NLRC4: variants seen among roughly 807,000 people sequenced by gnomAD.
The protein encoded by NLRC4 is NLR family CARD domain containing 4.
NLRC4 carries 63 observed loss-of-function variants against 79.9 expected under a neutral mutation model. The ratio of observed to expected loss-of-function variants is 0.79; its 90% CI spans 0.64 to 0.97. The LOEUF (loss-of-function observed/expected upper bound fraction) is 0.97. NLRC4 is among the 50% of genes least tolerant of loss of function. NLRC4 has a pLI of 0.00. For synonymous variants in NLRC4, 461 were observed against 456.5 expected, an observed-to-expected ratio of 1.01 and a Z score of -0.12; for missense variants, 1,074 against 1,215.2, an observed-to-expected ratio of 0.88 and a Z score of 1.73.
At chr2:32,258,169 C>G (rs1013537604) in intron 1 of NLRC4, among the ~76,000 whole-genome samples, 6 of 152,166 alleles carry the variant, frequency 3.9e-5, no homozygotes, top group African/African-American at 9.7e-5. Flanking sequence ...CTCCAACCCT[C>G]CAGGCCAAAC....
intron 1 of NLRC4, among the ~76,000 whole-genome samples, chr2:32,260,085 C>T (rs1399685988): frequency 3.3e-5 from 5 of 151,824 alleles, no homozygotes; most frequent in Admixed American, 1.3e-4. Flanking sequence ...AAAAATTACC[C>T]GGGCATGGTG....
chr2:32,255,246 C>T (rs746171406), intron 2 of NLRC4, among the ~76,000 whole-genome samples: 1 of 152,090 alleles, frequency 6.6e-6, no homozygotes, highest in East Asian at 1.9e-4. Flanking sequence ...CTCACCCGGG[C>T]GCAGTGGCTC....
intron 8 of NLRC4, among the ~76,000 whole-genome samples, chr2:32,227,441 C>T (rs1686430882): frequency 6.6e-6 from 1 of 152,148 alleles, no homozygotes; most frequent in Non-Finnish European, 1.5e-5. Flanking sequence ...TGTTCATGTC[C>T]TTTCTGCCTT....
intron 2 of NLRC4, among the ~76,000 whole-genome samples, chr2:32,253,044 A>G (rs1002104977): frequency 2.4e-4 from 37 of 152,116 alleles, no homozygotes; most frequent in Non-Finnish European, 4.4e-5. Flanking sequence ...TATGCATATC[A>G]GCATCTGTCT....
At chr2:32,243,902 C>G (rs1241583469) in intron 4 of NLRC4, among the ~76,000 whole-genome samples, 2 of 151,792 alleles carry the variant, frequency 1.3e-5, no homozygotes, top group African/African-American at 4.8e-5. Context: ...ATTATATTGG[C>G]AGTCTAAAAG....
intron 8 of NLRC4, among the ~76,000 whole-genome samples, chr2:32,234,696 C>G (rs985702826): frequency 5.3e-5 from 8 of 152,202 alleles, no homozygotes; most frequent in African/African-American, 1.7e-4. Flanking sequence ...AGTGAGGCCT[C>G]CAGCCAACAG....
At chr2:32,255,677 A>G in intron 2 of NLRC4, among the ~76,000 whole-genome samples, 1 of 152,130 alleles carries the variant, frequency 6.6e-6, no homozygotes. Context: ...AAGACTCATT[A>G]TATTGAATAA....
chr2:32,256,695 G>T (rs1687214047), intron 2 of NLRC4, 80 bp downstream of exon 2: 1 of 762,936 alleles, frequency 1.3e-6, no homozygotes, highest in East Asian at 2.4e-5. Flanking sequence ...AGGAAGCCAT[G>T]AACTGATTTT....
At chr2:32,239,522 T>C (rs960221733) in intron 5 of NLRC4, among the ~76,000 whole-genome samples, 2 of 152,202 alleles carry the variant, frequency 1.3e-5, no homozygotes, top group East Asian at 1.9e-4. Context: ...GGGCAAGTTA[T>C]TCAATCTTTT....
rs374300977 is a variant in NLRC4, at chr2:32,250,219, T to C, written c.1645A>G (p.Ile549Val). ...NTTEQEILKAININSFVECGI... is the reference protein window; with the variant it reads ...NTTEQEILKAVNINSFVECGI... Reference sequence around the variant, plus strand: ...CACTCTACAAAGGAATTGATGTTTATGGCTTTCAGAATTTCTTGCTCAGTG... The same window carrying C: ...CACTCTACAAAGGAATTGATGTTTACGGCTTTCAGAATTTCTTGCTCAGTG... The change falls in exon 4 of 9, where the codon ATA becomes GTA. Residue 549 changes from isoleucine to valine, a missense_variant. Transcript: ENST00000402280. This position sits in a 1 kb window ranked among gnomAD's most constrained non-coding sequence, Gnocchi z 4.9. 1.2e-6 allele frequency: 2 copies of C among 1,614,134 alleles called. No individual in the cohort carries two copies. Among genetic ancestry groups the C allele is most frequent in the African/African-American group, 2.7e-5 (2 of 74,958 alleles).
chr2:32,255,456 G>A (rs539884552), intron 2 of NLRC4, among the ~76,000 whole-genome samples: 32 of 150,652 alleles, frequency 2.1e-4, no homozygotes, highest in African/African-American at 7.8e-4. Flanking sequence ...GGAAGCAGAG[G>A]TTGCGGTGAG....
intron 1 of NLRC4, among the ~76,000 whole-genome samples, chr2:32,257,531 C>T (rs904099569): frequency 1.3e-5 from 2 of 150,876 alleles, no homozygotes; most frequent in East Asian, 2.0e-4. Context: ...CACTTGAGCC[C>T]GGGAGACGGA....
In NLRC4 at chr2:32,235,390, T is replaced by G; in HGVS notation, c.2782+11A>C. The G allele has an allele frequency of 6.2e-7, 1 of 1,609,468 alleles. No individual in the cohort carries two copies. Among genetic ancestry groups the G allele is most frequent in the Non-Finnish European group, 8.5e-7 (1 of 1,175,700 alleles). Reference sequence around the variant, plus strand: ...AATCCAGTTATCTTGGCTCTGTATGTGTGTACCTACCTAAAATTCTAATCT... The same window carrying G: ...AATCCAGTTATCTTGGCTCTGTATGGGTGTACCTACCTAAAATTCTAATCT... On this transcript the variant is annotated intron_variant, in intron 8 of 8. Coordinates refer to ENST00000402280, the MANE Select transcript of NLRC4 (RefSeq NM_001199138.2).
Position 32,224,772 on chromosome 2 carries a change from A to C in NLRC4, c.2783-7T>G. ...TTCTTTCCAAAAAATGCACCTGGGT[A>C]AAGAAATAAGTATATTAGTTGGAAG... On this transcript the variant is annotated splice_polypyrimidine_tract_variant and splice_region_variant and intron_variant, in intron 8 of 8. Transcript: ENST00000402280. The C allele has an allele frequency of 6.5e-7, 1 of 1,537,952 alleles. No homozygotes were observed. Among genetic ancestry groups the C allele is most frequent in the South Asian group, 1.2e-5 (1 of 80,328 alleles).
rs1233211061 is a variant in NLRC4, at chr2:32,251,593, G to T, written c.271C>A (p.His91Asn). The T allele has an allele frequency of 2.5e-6, 4 of 1,588,716 alleles. No homozygotes were observed. The highest frequency in any genetic ancestry group is 3.4e-6 in the Non-Finnish European group (4 of 1,168,514). Residue 91 changes from histidine to asparagine, a missense_variant, in exon 4 of 9, where the codon CAT becomes AAT. Coordinates refer to ENST00000402280, the MANE Select transcript of NLRC4 (RefSeq NM_001199138.2). The part of the protein sequence containing the change: ...FQDLNGQSLF[H>N]QTSEGDLDDL... ...TCCAAGTCTCCTTCTGATGTCTGAT[G>T]AAAAAGACCTATTAGAGAAGAGGTG... is the stretch of plus-strand genomic sequence containing the variant.
At chr2:32,233,338 TATATATATA>T (rs1380382091) in intron 8 of NLRC4, among the ~76,000 whole-genome samples, 2 of 44,206 alleles carry the variant, frequency 4.5e-5, no homozygotes, top group African/African-American at 2.4e-4. Context: ...TATATATATA[TATATATATA>T]TATTTTTTTT....
intron 8 of NLRC4, among the ~76,000 whole-genome samples, chr2:32,227,117 GT>G (rs1384522682): frequency 2.0e-5 from 3 of 151,938 alleles, no homozygotes; most frequent in Non-Finnish European, 4.4e-5. Flanking sequence ...TCACAGGGCA[GT>G]GACCTAGCTA....
chr2:32,224,697 T>C lies in NLRC4; in HGVS notation c.2851A>G (p.Ser951Gly). 6.2e-7 allele frequency: 1 copy of C among 1,608,666 alleles called. No homozygotes were observed. Among genetic ancestry groups the C allele is most frequent in the Non-Finnish European group, 8.5e-7 (1 of 1,178,128 alleles). ...CCCATGAAGGCAAGCCATCCATCACTGCTCACACGATTTCCCGCCAAATTC... is the reference window on the plus strand; with the variant it reads ...CCCATGAAGGCAAGCCATCCATCACCGCTCACACGATTTCCCGCCAAATTC... ...QLNLAGNRVSSDGWLAFMGVF... is the reference protein window; with the variant it reads ...QLNLAGNRVSGDGWLAFMGVF... The change falls in exon 9 of 9, where the codon AGT becomes GGT. Residue 951 changes from serine (S) to glycine (G), a missense_variant. Transcript: ENST00000402280.
In NLRC4 at chr2:32,251,399, A is replaced by G. The variant is rs1212079951; in HGVS notation, c.465T>C (p.Asn155=). The G allele has an allele frequency of 6.2e-7, 1 of 1,614,032 alleles. No homozygotes were observed. The highest frequency in any genetic ancestry group is 8.5e-7 in the Non-Finnish European group (1 of 1,179,930). Reference sequence around the variant, plus strand: ...GGCTCTGAAGAGCCTGCAGGAGGCCATTCAGGGTCAGCTGCTCCACGCGGT... The same window carrying G: ...GGCTCTGAAGAGCCTGCAGGAGGCCGTTCAGGGTCAGCTGCTCCACGCGGT... The part of the protein sequence containing the change: ...HHHRVEQLTL[N]GLLQALQSPC... Residue 155 remains asparagine, a synonymous_variant, in exon 4 of 9, where the codon AAT becomes AAC. Coordinates refer to ENST00000402280, the MANE Select transcript of NLRC4 (RefSeq NM_001199138.2).
Sources: allele counts gnomAD v4.1 joint callset (sites outside exome capture counted in the v4.1 genomes callset), GRCh38; gene constraint gnomAD v4.1.1; non-coding constraint Gnocchi (gnomAD v3.1); transcripts MANE v1.5; gene names NCBI Gene and HGNC (gene_info 2026-07-23, HGNC 2026-07-21).